Variants in DNAAF5 observed in about 807,000 individuals in gnomAD.
DNAAF5 encodes the protein dynein axonemal assembly factor 5.
DNAAF5 carries 64 observed loss-of-function variants against 75.8 expected under a neutral mutation model. That is an observed-to-expected ratio of 0.84 (90% confidence interval 0.69 to 1.04). The LOEUF (loss-of-function observed/expected upper bound fraction) is 1.04. DNAAF5 is among the 50% of genes least tolerant of loss of function. The probability of loss-of-function intolerance (pLI) is 0.00; values close to 1 mark genes in which losing one functional copy is unlikely to be tolerated. For synonymous variants in DNAAF5, 657 were observed against 557.2 expected (o/e 1.18, Z -2.52); for missense variants, 1,269 against 1,178.5 (o/e 1.08, Z -1.12).
chr7:763,953 A>G lies in DNAAF5; in HGVS notation c.1762A>G (p.Ser588Gly). ...TAHSPELLQF[S>G]VIVAQSGPAL... ...ACACTCGCCGGAGCTCCTGCAGTTC[A>G]GTGTCATCGTCGCACAGTCAGGTGA... The change falls in exon 8 of 13, where the codon AGT (serine) becomes GGT (glycine). Residue 588 changes from serine (S) to glycine (G), a missense_variant. By Grantham distance (56) the Ser-to-Gly change is moderately conservative (BLOSUM62 0). Transcript: ENST00000297440. 1.9e-6 allele frequency: 3 copies of G among 1,605,734 alleles called. No individual in the cohort carries two copies. Among genetic ancestry groups the G allele is most frequent in the Non-Finnish European group, 2.5e-6 (3 of 1,179,976 alleles).
Position 729,678 on chromosome 7 carries a change from A to T in DNAAF5, c.611A>T (p.Gln204Leu). 1.2e-6 allele frequency: 2 copies of T among 1,613,964 alleles called. No individual in the cohort carries two copies. Among genetic ancestry groups the T allele is most frequent in the Non-Finnish European group, 1.7e-6 (2 of 1,179,984 alleles). The stretch of plus-strand genomic sequence containing the variant: ...TGTCCCTCAGACCACTTCCACATGC[A>T]GTCGGAGTCTCTGATCGGGCCCCTG... The part of the protein sequence containing the change: ...AQATPDHFHM[Q>L]SESLIGPLMQ... The change falls in exon 2 of 13, where the codon CAG becomes CTG. Residue 204 changes from glutamine to leucine, a missense_variant. Transcript: ENST00000297440.
At chr7:738,064 G>A (rs1307190495) in intron 2 of DNAAF5, among the ~76,000 whole-genome samples, 1 of 152,060 alleles carries the variant, frequency 6.6e-6, no homozygotes, top group Non-Finnish European at 1.5e-5. Flanking sequence ...GCCCCTTTGA[G>A]GCTATTTTCC....
chr7:769,117 G>C (rs1220395930), intron 8 of DNAAF5: 1 of 760,126 alleles, frequency 1.3e-6, no homozygotes, highest in Non-Finnish European at 2.4e-6. Context: ...AGGTGCGGGG[G>C]TCTCAGTCCA....
chr7:727,995 T>A (rs1018836246), intron 1 of DNAAF5, among the ~76,000 whole-genome samples: 1 of 151,918 alleles, frequency 6.6e-6, no homozygotes, highest in Non-Finnish European at 1.5e-5. Flanking sequence ...GCTTTGAGAC[T>A]CTGCTCTGGT....
Position 741,347 on chromosome 7 carries a change from G to C in DNAAF5, c.906G>C (p.Arg302Ser). 1 of 1,587,222 alleles carries C rather than the reference G, an allele frequency of 6.3e-7. No homozygotes were observed. Among genetic ancestry groups the C allele is most frequent in the South Asian group, 1.2e-5 (1 of 86,884 alleles). Residue 302 changes from arginine to serine, a missense_variant and splice_region_variant, in exon 4 of 13, where the codon AGG becomes AGC. Coordinates refer to ENST00000297440, the MANE Select transcript of DNAAF5 (RefSeq NM_017802.4). ...SSLNDEVPEV[R>S]QLAASLWEDV... ...CTGTTGTCTGTCTGTTGTGCCTCAG[G>C]CAGCTGGCTGCCAGCCTCTGGGAGG... is the stretch of plus-strand genomic sequence containing the variant.
In DNAAF5 at chr7:754,944, C is replaced by CT; in HGVS notation, c.1257+123_1257+124insT. 3 of 694,976 alleles carry CT rather than the reference C, an allele frequency of 4.3e-6. No homozygotes were observed. Among genetic ancestry groups the CT allele is most frequent in the Non-Finnish European group, 7.1e-6 (3 of 423,478 alleles). 43.1% of individuals were successfully genotyped at this position (694,976 alleles called of 1,614,324 possible). A position where few individuals can be genotyped will look rare whatever the true frequency, so the allele number is the denominator to read the frequency against. On this transcript the variant is annotated intron_variant, in intron 5 of 12. Transcript: ENST00000297440. The surrounding 1 kb of genome is among the most constrained non-coding windows in gnomAD (Gnocchi z 4.8). ...GACAGCGTTCCCCTCACCCCCGGGC[C>CT]GCAGGCCCTCCCCACACCCAGCCCC...
intron 6 of DNAAF5, among the ~76,000 whole-genome samples, chr7:761,270 G>T (rs1385727822): frequency 1.3e-5 from 2 of 152,238 alleles, no homozygotes; most frequent in Non-Finnish European, 2.9e-5. Context: ...CTCCCTGCAA[G>T]GGCTCTCCCA....
At position 754,966 on chromosome 7, in the gene DNAAF5, C is replaced by T. The variant is rs1257395008; in HGVS notation, c.1257+145C>T. ...GGCCGCAGGCCCTCCCCACACCCAG[C>T]CCCTGGGAACAACTGATCTCCTTTC... On this transcript the variant is annotated intron_variant, in intron 5 of 12. Transcript: ENST00000297440. This position sits in a 1 kb window ranked among gnomAD's most constrained non-coding sequence, Gnocchi z 4.8. 14 of 620,210 alleles carry T rather than the reference C, an allele frequency of 2.3e-5. No individual in the cohort carries two copies. The East Asian group carries it at 3.6e-4, about 16-fold the overall frequency. 38.4% of individuals were successfully genotyped at this position (620,210 alleles called of 1,614,324 possible). A position where few individuals can be genotyped will look rare whatever the true frequency, so the allele number is the denominator to read the frequency against.
At chr7:729,575 A>G (rs1403438845) in intron 1 of DNAAF5, 88 bp from the exon 2 acceptor site, 9 of 1,287,818 alleles carry the variant, frequency 7.0e-6, no homozygotes, top group East Asian at 2.5e-5. Context: ...AGGAACTCAT[A>G]GGCAGGCAGC....
intron 12 of DNAAF5, 37 bp downstream of exon 12, chr7:780,181 T>C (rs1021863178): frequency 1.3e-6 from 2 of 1,583,332 alleles, no homozygotes; most frequent in African/African-American, 1.3e-5. Context: ...TTCCGATGCC[T>C]GCTTTCGGCG....
chr7:739,667 G>A (rs1034708167), intron 2 of DNAAF5, among the ~76,000 whole-genome samples: 9 of 152,308 alleles, frequency 5.9e-5, no homozygotes, highest in Middle Eastern at 3.4e-3. Context: ...GTGTGAACTT[G>A]CCCTCCCCTC....
chr7:730,549 G>T (rs1781531571), intron 2 of DNAAF5, among the ~76,000 whole-genome samples: 1 of 152,200 alleles, frequency 6.6e-6, no homozygotes, highest in Non-Finnish European at 1.5e-5. Context: ...ATGAGAAATG[G>T]CTTGAAGGTG....
chr7:751,231 A>G (rs1355939410), intron 4 of DNAAF5, among the ~76,000 whole-genome samples: 1 of 152,204 alleles, frequency 6.6e-6, no homozygotes, highest in Non-Finnish European at 1.5e-5. Flanking sequence ...TTAAACAGCC[A>G]GCAGAATTTT....
At chr7:761,696 G>A (rs934288127) in intron 6 of DNAAF5, 57 bp from the exon 7 acceptor site, 17 of 1,530,106 alleles carry the variant, frequency 1.1e-5, no homozygotes, top group African/African-American at 4.1e-5. Context: ...GATGGGATTC[G>A]GGTGGGGACA....
At chr7:779,823 C>T (rs552103503) in intron 11 of DNAAF5, 130 bp from the exon 12 acceptor site, 20 of 749,380 alleles carry the variant, frequency 2.7e-5, no homozygotes, top group Non-Finnish European at 4.3e-5. Context: ...CGGAGTCTCC[C>T]GTGAGGTGTG....
chr7:769,027 C>G (rs1778458044), intron 8 of DNAAF5: 1 of 627,562 alleles, frequency 1.6e-6, no homozygotes, highest in Non-Finnish European at 2.9e-6. Flanking sequence ...GGAGGCCCTC[C>G]AAGACACCAG....
Position 727,273 on chromosome 7 carries a change from G to C in DNAAF5, c.553G>C (p.Glu185Gln), listed in dbSNP as rs1186232599. The C allele has an allele frequency of 1.5e-6, 2 of 1,319,238 alleles. No individual in the cohort carries two copies. Among genetic ancestry groups the C allele is most frequent in the Non-Finnish European group, 9.6e-7 (1 of 1,038,398 alleles). The allele number at this position is 1,319,238 out of a possible 1,614,324, so 81.7% of individuals were successfully genotyped here. ...LLDPFAAVRR[E>Q]SCSCAAALAQ... ...CGACCCCTTCGCCGCCGTGCGCCGC[G>C]AGAGCTGCAGCTGCGCCGCCGCCCT... The change falls in exon 1 of 13, where the codon GAG becomes CAG. Residue 185 changes from glutamate to glutamine, a missense_variant. Coordinates refer to ENST00000297440, the MANE Select transcript of DNAAF5 (RefSeq NM_017802.4).
intron 12 of DNAAF5, among the ~76,000 whole-genome samples, chr7:784,179 C>T (rs368605130): frequency 1.1e-4 from 16 of 152,296 alleles, no homozygotes; most frequent in East Asian, 7.7e-4. Flanking sequence ...CTGGCGGCCA[C>T]GCACCCTCCT....
intron 2 of DNAAF5, 36 bp downstream of exon 2, chr7:729,883 C>G: frequency 6.2e-7 from 1 of 1,602,308 alleles, no homozygotes; most frequent in African/African-American, 1.3e-5. Flanking sequence ...CTGTTCCTCT[C>G]TCCAACACAG....
Sources: gnomAD v4.1 joint callset for allele counts (sites outside exome capture counted in the v4.1 genomes callset) on GRCh38, gnomAD v4.1.1 for gene constraint, Gnocchi (gnomAD v3.1) non-coding constraint, MANE v1.5 for transcripts, NCBI Gene and HGNC (gene_info 2026-07-23, HGNC 2026-07-21) for gene names.